The following RBFOX1 variants were observed in gnomAD, a reference collection of about 807,000 sequenced individuals.
RBFOX1 encodes RNA binding fox-1 homolog 1.
A neutral mutation model predicts 57.7 loss-of-function variants in RBFOX1; 8 were observed. The observed-to-expected ratio is 0.14, with a 90% CI of 0.08 to 0.25. RBFOX1 has a LOEUF of 0.25. RBFOX1 is among the 10% of genes least tolerant of loss of function. The probability of loss-of-function intolerance (pLI) is 1.00; values close to 1 mark genes in which losing one functional copy is unlikely to be tolerated. For synonymous variants in RBFOX1, 326 were observed against 222.4 expected, an observed-to-expected ratio of 1.47 and a Z score of -4.15; for missense variants, 611 against 548.5, an observed-to-expected ratio of 1.11 and a Z score of -1.14.
chr16:7,324,515 C>A (rs898371786), intron 4 of RBFOX1, among the ~76,000 whole-genome samples: 1 of 152,218 alleles, frequency 6.6e-6, no homozygotes, highest in African/African-American at 2.4e-5. Flanking sequence ...ACCCAGTTGT[C>A]ATTCATCCCC....
At chr16:6,806,410 C>T (rs1232182990) in intron 3 of RBFOX1, among the ~76,000 whole-genome samples, 1 of 152,146 alleles carries the variant, frequency 6.6e-6, no homozygotes, top group Non-Finnish European at 1.5e-5. Context: ...GACTGTAATA[C>T]ATTTGCATCT....
intron 5 of RBFOX1, among the ~76,000 whole-genome samples, chr16:7,538,522 C>T (rs887314491): frequency 6.6e-6 from 1 of 151,998 alleles, no homozygotes; most frequent in African/African-American, 2.4e-5. Context: ...GTAACTGGCA[C>T]CGAAGATTGA....
chr16:6,800,198 C>A (rs139095211), intron 3 of RBFOX1, among the ~76,000 whole-genome samples: 1 of 145,826 alleles, frequency 6.9e-6, no homozygotes, highest in Non-Finnish European at 1.5e-5. Flanking sequence ...GAAAACAAGT[C>A]TTGCTGTTTT....
intron 3 of RBFOX1, among the ~76,000 whole-genome samples, chr16:5,829,637 T>C (rs914252337): frequency 6.6e-5 from 10 of 151,950 alleles, no homozygotes; most frequent in Non-Finnish European, 1.2e-4. Context: ...CTGCTCATGA[T>C]CTCCCATGGG....
intron 3 of RBFOX1, among the ~76,000 whole-genome samples, chr16:6,891,746 G>A (rs7198561): frequency 0.011 from 1,637 of 152,268 alleles, 26 homozygotes; most frequent in African/African-American, 0.038. Context: ...CCATGAAGGT[G>A]CAATCTGTCT....
chr16:5,509,968 C>T (rs141737297), intron 2 of RBFOX1, among the ~76,000 whole-genome samples: 2 of 152,288 alleles, frequency 1.3e-5, no homozygotes, highest in Non-Finnish European at 2.9e-5. Flanking sequence ...TGTCAGGGCA[C>T]AAGTTCTGGG....
In RBFOX1 at chr16:5,767,811, C is replaced by T. The variant is rs556518324; in HGVS notation, c.319-99492C>T. On this transcript the variant is annotated intron_variant, in intron 3 of 19. Coordinates refer to the RBFOX1 transcript ENST00000641259. Reference sequence around the variant, plus strand: ...TACTCAGCAGTACCAAAATGAGGGGCTCTCGACTTTGGCCACCTCCTCCCC... The same window carrying T: ...TACTCAGCAGTACCAAAATGAGGGGTTCTCGACTTTGGCCACCTCCTCCCC... 5.5e-4 allele frequency among the ~76,000 whole-genome samples: 83 copies of T among 152,260 alleles called. 1 individual carries two copies. Among genetic ancestry groups the T allele is most frequent in the Middle Eastern group, 3.4e-3 (1 of 294 alleles).
chr16:6,867,046 G>T (rs954417544), intron 3 of RBFOX1, among the ~76,000 whole-genome samples: 8 of 150,500 alleles, frequency 5.3e-5, no homozygotes, highest in Non-Finnish European at 1.0e-4. Context: ...TCCATGTCTT[G>T]CTATTATTAT....
chr16:6,219,111 A>G (rs948750490), intron 1 of RBFOX1, among the ~76,000 whole-genome samples: 6 of 152,192 alleles, frequency 3.9e-5, no homozygotes, highest in African/African-American at 1.4e-4. Context: ...AATTGAGAGC[A>G]AAGGTCACAA....
chr16:7,582,277 ATG>A (rs1417201577), intron 6 of RBFOX1, among the ~76,000 whole-genome samples: 1 of 152,180 alleles, frequency 6.6e-6, no homozygotes, highest in Admixed American at 6.5e-5. Context: ...AGAACACACC[ATG>A]CATTTAGTGC....
chr16:7,549,245 A>G (rs982925618), intron 5 of RBFOX1, among the ~76,000 whole-genome samples: 2 of 152,196 alleles, frequency 1.3e-5, no homozygotes, highest in African/African-American at 2.4e-5. Flanking sequence ...CTAGCCCCCA[A>G]TTTGGAACAA....
At chr16:7,668,969 T>C (rs1160647584) in intron 13 of RBFOX1, among the ~76,000 whole-genome samples, 1 of 152,166 alleles carries the variant, frequency 6.6e-6, no homozygotes, top group African/African-American at 2.4e-5. Flanking sequence ...AGTAGCACGA[T>C]CTCAGCTCAC....
At chr16:7,224,732 C>G (rs896053952) in intron 4 of RBFOX1, among the ~76,000 whole-genome samples, 2 of 152,166 alleles carry the variant, frequency 1.3e-5, no homozygotes, top group Non-Finnish European at 2.9e-5. Context: ...TGGGAATTGT[C>G]ATTTTATGGT....
At chr16:7,560,460 T>A (rs769937495) in intron 5 of RBFOX1, among the ~76,000 whole-genome samples, 4 of 151,756 alleles carry the variant, frequency 2.6e-5, no homozygotes, top group Non-Finnish European at 5.9e-5. Context: ...TGACTAAAAG[T>A]CTTGTTGCTG....
rs114954317 is a variant in RBFOX1 at position 5,521,214 on chromosome 16, A to G, written c.258+53960A>G. On this transcript the variant is annotated intron_variant, in intron 2 of 2. Coordinates refer to the RBFOX1 transcript ENST00000585867. ...ACAGAGCTGGTTGACACAGAGGTTT[A>G]GTGTCACCACCAGGGTCCCCAACTC... Among the ~76,000 whole-genome samples the G allele has an allele frequency of 3.7e-3, 556 of 152,198 alleles. 1 individual carries two copies. The highest frequency in any genetic ancestry group is 0.012 in the African/African-American group (512 of 41,526).
chr16:7,394,305 AT>A (rs1480561170), intron 4 of RBFOX1, among the ~76,000 whole-genome samples: 1 of 151,720 alleles, frequency 6.6e-6, no homozygotes, highest in African/African-American at 2.4e-5. Context: ...TGAGAAAAAA[AT>A]CTGAAATTAG....
chr16:7,017,149 A>C (rs2093956953), intron 3 of RBFOX1, among the ~76,000 whole-genome samples: 1 of 152,148 alleles, frequency 6.6e-6, no homozygotes, highest in Non-Finnish European at 1.5e-5. Flanking sequence ...AACAGCTGTT[A>C]AGGTGCAAAC....
chr16:5,406,367 C>T (rs1240107135), intron 1 of RBFOX1, among the ~76,000 whole-genome samples: 1 of 152,114 alleles, frequency 6.6e-6, no homozygotes, highest in Non-Finnish European at 1.5e-5. Flanking sequence ...AGAGTTAGCT[C>T]TGACTGCTTG....
chr16:6,901,223 G>A (rs1842500983), intron 3 of RBFOX1, among the ~76,000 whole-genome samples: 1 of 152,178 alleles, frequency 6.6e-6, no homozygotes, highest in African/African-American at 2.4e-5. Flanking sequence ...AAGAAAGAGA[G>A]GAAAGATCAG....
Sources: allele counts gnomAD v4.1 joint callset (sites outside exome capture counted in the v4.1 genomes callset), GRCh38; gene constraint gnomAD v4.1.1; transcripts MANE v1.5; gene names NCBI Gene and HGNC (gene_info 2026-07-23, HGNC 2026-07-21).